The following MACROH2A1 variants were observed in gnomAD, a reference collection of about 807,000 sequenced individuals.
The protein encoded by MACROH2A1 is core histone macro-H2A.1.
In MACROH2A1, 2 loss-of-function variants were observed where a neutral mutation model predicts 31.6. That is an observed-to-expected ratio of 0.06 (90% CI 0.03 to 0.20). The LOEUF is 0.20. Among genes scored for constraint, MACROH2A1 ranks in the 10% least tolerant of loss-of-function variants. MACROH2A1 has a pLI of 1.00. For missense variants in MACROH2A1, 230 were observed against 474.0 expected, an observed-to-expected ratio of 0.49 and a Z score of 4.78; for synonymous variants, 169 against 189.6, an observed-to-expected ratio of 0.89 and a Z score of 0.89.
chr5:135,335,519 T>C (rs1337338967), intron 8 of MACROH2A1, among the ~76,000 whole-genome samples: 1 of 152,200 alleles, frequency 6.6e-6, no homozygotes, highest in Non-Finnish European at 1.5e-5. Context: ...AGGCTCTTGA[T>C]GTCAGCCCCA....
chr5:135,379,248 T>C (rs759537100), intron 2 of MACROH2A1, among the ~76,000 whole-genome samples: 1 of 152,180 alleles, frequency 6.6e-6, no homozygotes, highest in Non-Finnish European at 1.5e-5. Flanking sequence ...AGAGGGTATC[T>C]CAGCACCAGG....
intron 2 of MACROH2A1, among the ~76,000 whole-genome samples, chr5:135,377,656 G>A (rs377594595): frequency 6.6e-6 from 1 of 152,188 alleles, no homozygotes; most frequent in African/African-American, 2.4e-5. Flanking sequence ...AGAGGGAGAC[G>A]TTTTGCTCTA....
At chr5:135,342,566 C>T (rs1245761559) in intron 8 of MACROH2A1, among the ~76,000 whole-genome samples, 7 of 152,184 alleles carry the variant, frequency 4.6e-5, no homozygotes, top group Non-Finnish European at 8.8e-5. Context: ...GGTGGTCCTC[C>T]GGGTATGTGT....
chr5:135,364,295 C>T (rs1403832881), intron 4 of MACROH2A1, among the ~76,000 whole-genome samples: 1 of 150,662 alleles, frequency 6.6e-6, no homozygotes, highest in Admixed American at 6.6e-5. Flanking sequence ...ATGTAAATGA[C>T]GAGTTAATGG....
At chr5:135,339,099 G>A (rs1370899081) in intron 8 of MACROH2A1, among the ~76,000 whole-genome samples, 2 of 152,136 alleles carry the variant, frequency 1.3e-5, no homozygotes, top group Non-Finnish European at 2.9e-5. Flanking sequence ...AAGTTCCTCT[G>A]GAGTCAAGAG....
intron 4 of MACROH2A1, chr5:135,361,107 G>A (rs548831285): frequency 1.6e-5 from 4 of 256,732 alleles, no homozygotes; most frequent in Non-Finnish European, 3.0e-5. Flanking sequence ...GTTAGAGAAG[G>A]ACGCATGTGG....
rs1581277031 is a variant in MACROH2A1, at chr5:135,374,503, T to C, written c.173-4361A>G. Among the ~76,000 whole-genome samples, 4 of 152,306 alleles carry C rather than the reference T, an allele frequency of 2.6e-5. 1 individual carries two copies. Among genetic ancestry groups the C allele is most frequent in the Admixed American group, 6.5e-5 (1 of 15,306 alleles). On this transcript the variant is annotated intron_variant, in intron 2 of 8. Transcript: ENST00000511689. The stretch of plus-strand genomic sequence containing the variant: ...ATGCCTGCCTGCCCCCCATGCACAC[T>C]GGGATGGCCCTCACATTCCCACCAG...
chr5:135,361,731 G>A (rs908352729), intron 4 of MACROH2A1: 5 of 152,206 alleles, frequency 3.3e-5, no homozygotes, highest in Admixed American at 6.5e-5. Flanking sequence ...CAAGGCCTGT[G>A]TCCTATCCAT....
rs182353852 is a variant in MACROH2A1 at position 135,354,764 on chromosome 5, G to A, written c.589-1719C>T. 8.2e-4 allele frequency: 260 copies of A among 315,212 alleles called. 1 individual carries two copies. Among genetic ancestry groups the A allele is most frequent in the African/African-American group, 5.3e-3 (244 of 45,608 alleles). The allele number at this position is 315,212 out of a possible 1,614,324, so 19.5% of individuals were successfully genotyped here. A position where few individuals can be genotyped will look rare whatever the true frequency, so the allele number is the denominator to read the frequency against. On this transcript the variant is annotated intron_variant, in intron 5 of 8. Coordinates refer to ENST00000511689, the MANE Select transcript of MACROH2A1 (RefSeq NM_138610.3). The stretch of plus-strand genomic sequence containing the variant: ...AGTGAACTCTCAGGATTTAGAACAA[G>A]GCAAAGGATTTTACTCTATTATTTA...
upstream of MACROH2A1, chr5:135,399,780 C>G (rs1395255196): frequency 6.6e-6 from 1 of 152,276 alleles, no homozygotes; most frequent in Non-Finnish European, 1.5e-5. The surrounding 1 kb of genome is among the most constrained non-coding windows in gnomAD (Gnocchi z 4.5). Flanking sequence ...AGTTAATCCT[C>G]CTCACCCCGA....
chr5:135,394,551 A>G (rs1277962464), intron 1 of MACROH2A1, among the ~76,000 whole-genome samples: 7 of 152,080 alleles, frequency 4.6e-5, no homozygotes, highest in Non-Finnish European at 8.8e-5. Context: ...AGTGCCTCAC[A>G]ATCTCCCTCA....
At position 135,350,370 on chromosome 5, in the gene MACROH2A1, C is replaced by T. The variant is rs1187565843; in HGVS notation, c.688+2576G>A. On this transcript the variant is annotated intron_variant, in intron 6 of 8. Coordinates refer to ENST00000511689, the MANE Select transcript of MACROH2A1 (RefSeq NM_138610.3). ...AAGGCCATTTTCAGGAACAAGTGTG[C>T]TTCTGACATGGAGACAGATTGGCGG... Among the ~76,000 whole-genome samples the T allele has an allele frequency of 6.6e-5, 10 of 152,176 alleles. No individual in the cohort carries two copies. In the East Asian group the frequency reaches 1.9e-3, roughly 29 times the overall value.
intron 4 of MACROH2A1, among the ~76,000 whole-genome samples, chr5:135,366,465 C>T (rs937398567): frequency 2.0e-5 from 3 of 152,082 alleles, no homozygotes; most frequent in Middle Eastern, 6.8e-3. Flanking sequence ...AAACTGAACA[C>T]CAGAGATGTT....
At chr5:135,355,350 G>A (rs1184357594) in intron 5 of MACROH2A1, 1 of 432,162 alleles carries the variant, frequency 2.3e-6, no homozygotes, top group Non-Finnish European at 4.7e-6. Context: ...AGTACCTCAG[G>A]GAGCCACTAC....
intron 8 of MACROH2A1, among the ~76,000 whole-genome samples, chr5:135,336,594 G>GTGTT (rs1231901442): frequency 1.1e-4 from 17 of 152,180 alleles, no homozygotes; most frequent in Non-Finnish European, 2.2e-4. Context: ...CACGAGAGTG[G>GTGTT]TGTTAGACCT....
chr5:135,360,764 T>G (rs771443739), intron 4 of MACROH2A1, 157 bp from the exon 5 acceptor site: 3 of 704,460 alleles, frequency 4.3e-6, no homozygotes, highest in Admixed American at 2.0e-5. Flanking sequence ...TCAGACTCAT[T>G]TTGAGGTACA....
chr5:135,377,536 G>A (rs935625994), intron 2 of MACROH2A1, among the ~76,000 whole-genome samples: 5 of 152,320 alleles, frequency 3.3e-5, no homozygotes, highest in Admixed American at 1.3e-4. Context: ...AGTGAGTTTC[G>A]TGGGCTGCAC....
At chr5:135,346,948 AAGTT>A (rs1175372198) in intron 6 of MACROH2A1, 1 of 152,230 alleles carries the variant, frequency 6.6e-6, no homozygotes, top group South Asian at 2.1e-4. Context: ...GTGGCAATCA[AAGTT>A]AGCAACAAGA....
intron 1 of MACROH2A1, among the ~76,000 whole-genome samples, chr5:135,397,948 G>C (rs1364714405): frequency 1.3e-5 from 2 of 152,162 alleles, no homozygotes; most frequent in Non-Finnish European, 2.9e-5. Context: ...AACCACAAAG[G>C]TGGAAGAAAA....
Sources: allele counts gnomAD v4.1 joint callset (sites outside exome capture counted in the v4.1 genomes callset), GRCh38; gene constraint gnomAD v4.1.1; non-coding constraint Gnocchi (gnomAD v3.1); transcripts MANE v1.5; gene names NCBI Gene and HGNC (gene_info 2026-07-23, HGNC 2026-07-21).